RNF4: variants seen among roughly 807,000 people sequenced by gnomAD.
RNF4 encodes the protein ring finger protein 4, also known as E3 ubiquitin-protein ligase RNF4.
In RNF4, 7 loss-of-function variants were observed where a neutral mutation model predicts 24.3. The observed-to-expected ratio is 0.29, with a 90% CI of 0.16 to 0.54. The LOEUF (loss-of-function observed/expected upper bound fraction) is 0.54, where lower values mean the gene tolerates loss of function less well. RNF4 is among the 20% of genes least tolerant of loss of function. The probability of loss-of-function intolerance (pLI) is 0.95; values close to 1 mark genes in which losing one functional copy is unlikely to be tolerated. For synonymous variants in RNF4, 83 were observed against 84.3 expected (o/e 0.98, Z 0.09); for missense variants, 209 against 248.5 (o/e 0.84, Z 1.07).
At chr4:2,473,240 C>G (rs1189464803) in intron 1 of RNF4, among the ~76,000 whole-genome samples, 2 of 151,600 alleles carry the variant, frequency 1.3e-5, no homozygotes, top group Non-Finnish European at 2.9e-5. Flanking sequence ...AAAAATTAGC[C>G]AGGCATGGTG....
At chr4:2,483,053 G>T (rs1027727961) in intron 1 of RNF4, among the ~76,000 whole-genome samples, 3 of 152,136 alleles carry the variant, frequency 2.0e-5, no homozygotes, top group Non-Finnish European at 2.9e-5. Context: ...CTGTAAGAAG[G>T]GACATGCTCT....
chr4:2,513,184 A>G (rs1444097298), intron 7 of RNF4, 53 bp downstream of exon 7: 1 of 1,536,724 alleles, frequency 6.5e-7, no homozygotes, highest in Non-Finnish European at 9.0e-7. Flanking sequence ...ACTTCACTGA[A>G]AGAATTGGAT....
In RNF4 at chr4:2,496,982, C is replaced by T. The variant is rs906387561; in HGVS notation, c.10-25C>T. 5 of 1,538,512 alleles carry T rather than the reference C, an allele frequency of 3.2e-6. No individual in the cohort carries two copies. The African/African-American group carries it at 5.5e-5, about 17-fold the overall frequency. ...CCCTGACATTCTGGTGTTCATGTGA[C>T]TCTTCTTTCCCCCTTGCTACTCAGA... On this transcript the variant is annotated intron_variant, in intron 2 of 7. Coordinates refer to ENST00000314289, the MANE Select transcript of RNF4 (RefSeq NM_002938.5).
intron 1 of RNF4, among the ~76,000 whole-genome samples, chr4:2,482,684 A>C (rs1735277930): frequency 6.6e-6 from 1 of 152,148 alleles, no homozygotes; most frequent in Non-Finnish European, 1.5e-5. Context: ...AATTTTATGG[A>C]AGACCTGGTT....
At chr4:2,481,494 A>G (rs111563236) in intron 1 of RNF4, among the ~76,000 whole-genome samples, 1 of 152,164 alleles carries the variant, frequency 6.6e-6, no homozygotes, top group Non-Finnish European at 1.5e-5. Flanking sequence ...TATGTTCTGT[A>G]GGCAATGCTT....
chr4:2,502,928 G>T (rs1330600601), intron 4 of RNF4, among the ~76,000 whole-genome samples: 1 of 151,438 alleles, frequency 6.6e-6, no homozygotes, highest in Admixed American at 6.6e-5. Flanking sequence ...ACACCTTACT[G>T]CAGCCTCCAA....
chr4:2,486,959 CAT>C (rs1157699214), intron 1 of RNF4, among the ~76,000 whole-genome samples: 1 of 152,148 alleles, frequency 6.6e-6, no homozygotes, highest in Non-Finnish European at 1.5e-5. Flanking sequence ...GAACCCAGGA[CAT>C]GTGGTGGATC....
intron 3 of RNF4, among the ~76,000 whole-genome samples, chr4:2,497,736 G>A (rs1217333902): frequency 1.3e-5 from 2 of 152,098 alleles, no homozygotes; most frequent in Admixed American, 6.6e-5. Flanking sequence ...CTGGGTTCAC[G>A]CCATTCTCCT....
chr4:2,486,881 C>G (rs916844259), intron 1 of RNF4, among the ~76,000 whole-genome samples: 1 of 152,108 alleles, frequency 6.6e-6, no homozygotes, highest in Admixed American at 6.6e-5. Flanking sequence ...GGAGAACAAG[C>G]CCCTATATGA....
rs187541545 is a variant in RNF4 at position 2,472,910 on chromosome 4, G to T, written c.-158+3652G>T. ...AAAAAATTAGCCGGTCTTGGCAGCG[G>T]GCACCTGTAGTCCCAGCTACTCGGG... On this transcript the variant is annotated intron_variant, in intron 1 of 7. Coordinates refer to ENST00000314289, the MANE Select transcript of RNF4 (RefSeq NM_002938.5). Among the ~76,000 whole-genome samples, 13 of 151,956 alleles carry T rather than the reference G, an allele frequency of 8.6e-5. No homozygotes were observed. The East Asian group carries it at 2.5e-3, about 29-fold the overall frequency.
At chr4:2,509,217 GCTTTT>G (rs1245990564) in intron 4 of RNF4, among the ~76,000 whole-genome samples, 7 of 151,256 alleles carry the variant, frequency 4.6e-5, no homozygotes, top group Non-Finnish European at 8.8e-5. Context: ...CCGGGCCTGT[GCTTTT>G]CTTTTTTTCT....
At chr4:2,471,523 G>A (rs1187142360) in intron 1 of RNF4, among the ~76,000 whole-genome samples, 1 of 152,214 alleles carries the variant, frequency 6.6e-6, no homozygotes, top group African/African-American at 2.4e-5. Context: ...CTTACTTTAA[G>A]TGAAGTTAAG....
chr4:2,500,687 T>C lies in RNF4; in HGVS notation c.153T>C (p.Cys51=), dbSNP rs775952233. 3 of 1,613,834 alleles carry C rather than the reference T, an allele frequency of 1.9e-6. No homozygotes were observed. The highest frequency in any genetic ancestry group is 8.5e-7 in the Non-Finnish European group (1 of 1,179,858). Residue 51 remains cysteine, a synonymous_variant, in exon 4 of 8, where the codon TGT becomes TGC. Transcript: ENST00000314289. ...GAGATGAAATTGTGGACCTCACTTG[T>C]GAATCTTTAGAGCCTGTGGTGGTTG... The part of the protein sequence containing the change: ...TAGDEIVDLT[C]ESLEPVVVDL...
rs80169458 is a variant in RNF4, at chr4:2,472,601, TAAA to T, written c.-158+3359_-158+3361del. Among the ~76,000 whole-genome samples, 24 of 135,582 alleles carry T rather than the reference TAAA, an allele frequency of 1.8e-4. 1 individual carries two copies. Among genetic ancestry groups the T allele is most frequent in the Admixed American group, 3.0e-4 (4 of 13,242 alleles). 88.9% of individuals were successfully genotyped at this position (135,582 alleles called of 152,430 possible). ...ACCACCCCCTCCACTGCCAGTCTCTTAAAAAAAAAAAAAAAAAAGGGCGGCAGG... is the reference window on the plus strand; with the variant it reads ...ACCACCCCCTCCACTGCCAGTCTCTTAAAAAAAAAAAAAAAGGGCGGCAGG... On this transcript the variant is annotated intron_variant, in intron 1 of 7. Transcript: ENST00000314289.
intron 1 of RNF4, among the ~76,000 whole-genome samples, chr4:2,471,681 A>G (rs1734914379): frequency 1.3e-5 from 2 of 152,254 alleles, no homozygotes; most frequent in African/African-American, 4.8e-5. Flanking sequence ...TACATGAATG[A>G]TAAGCCAAAC....
At chr4:2,471,460 C>T (rs187682757) in intron 1 of RNF4, among the ~76,000 whole-genome samples, 1,632 of 152,272 alleles carry the variant, frequency 0.011, 16 homozygotes, top group Middle Eastern at 0.027. Flanking sequence ...TGAAATTAGG[C>T]CAGTCAGTGA....
chr4:2,483,800 T>G (rs1193470455), intron 1 of RNF4, among the ~76,000 whole-genome samples: 1 of 151,758 alleles, frequency 6.6e-6, no homozygotes, highest in African/African-American at 2.4e-5. Context: ...CAAGACTGTG[T>G]CTCAAAAAAA....
intron 4 of RNF4, among the ~76,000 whole-genome samples, 166 bp downstream of exon 4, chr4:2,500,904 CAATAAT>C (rs913397126): frequency 2.0e-5 from 3 of 152,150 alleles, no homozygotes; most frequent in Non-Finnish European, 2.9e-5. Context: ...TAAACAGTAA[CAATAAT>C]AATAACAAAG....
rs1578528512 is a variant in RNF4 at position 2,512,553 on chromosome 4, C to T, written c.330C>T (p.Thr110=). The part of the protein sequence containing the change: ...LSRDRDVYVT[T]HTPRNARDEG... The stretch of plus-strand genomic sequence containing the variant: ...GGGACAGAGACGTATATGTGACTAC[C>T]CATACTCCCAGAAACGCCAGGGATG... Residue 110 remains threonine, a synonymous_variant, in exon 6 of 8, where the codon ACC becomes ACT. Coordinates refer to ENST00000314289, the MANE Select transcript of RNF4 (RefSeq NM_002938.5). This position sits in a 1 kb window ranked among gnomAD's most constrained non-coding sequence, Gnocchi z 4.1. 1.9e-6 allele frequency: 3 copies of T among 1,613,796 alleles called. No homozygotes were observed. Among genetic ancestry groups the T allele is most frequent in the Admixed American group, 1.7e-5 (1 of 59,992 alleles).
Sources: gnomAD v4.1 joint callset for allele counts (sites outside exome capture counted in the v4.1 genomes callset) on GRCh38, gnomAD v4.1.1 for gene constraint, Gnocchi (gnomAD v3.1) non-coding constraint, MANE v1.5 for transcripts, NCBI Gene and HGNC (gene_info 2026-07-23, HGNC 2026-07-21) for gene names.